The following SMAD2 variants were observed in gnomAD, a reference collection of about 807,000 sequenced individuals.
SMAD2 encodes MAD homolog 2.
In SMAD2, 8 loss-of-function variants were observed where a neutral mutation model predicts 64.4. That is an observed-to-expected ratio of 0.12 (90% CI 0.07 to 0.22). The LOEUF is 0.22. Among genes scored for constraint, SMAD2 ranks in the 10% least tolerant of loss-of-function variants. SMAD2 has a pLI of 1.00. For synonymous variants in SMAD2, 203 were observed against 195.8 expected, an observed-to-expected ratio of 1.04 and a Z score of -0.31; for missense variants, 289 against 561.2, an observed-to-expected ratio of 0.51 and a Z score of 4.90.
At chr18:47,904,369 G>C (rs1006433922) in intron 1 of SMAD2, among the ~76,000 whole-genome samples, 5 of 151,548 alleles carry the variant, frequency 3.3e-5, no homozygotes, top group African/African-American at 1.2e-4. Flanking sequence ...TGCTGAGTTG[G>C]GGGATTTGTG....
At chr18:47,903,791 T>A (rs1193972926) in intron 1 of SMAD2, among the ~76,000 whole-genome samples, 1 of 143,112 alleles carries the variant, frequency 7.0e-6, no homozygotes, top group African/African-American at 2.6e-5. Context: ...TACCATTAGA[T>A]GGGCTTAACA....
intron 2 of SMAD2, among the ~76,000 whole-genome samples, chr18:47,884,584 A>G (rs551638881): frequency 6.6e-6 from 1 of 152,374 alleles, no homozygotes; most frequent in East Asian, 1.9e-4. Context: ...TAAAAACTGA[A>G]GATTTCACTG....
intron 1 of SMAD2, among the ~76,000 whole-genome samples, chr18:47,903,096 T>C (rs1167211706): frequency 1.3e-5 from 2 of 151,634 alleles, no homozygotes; most frequent in Non-Finnish European, 2.9e-5. Flanking sequence ...AAATCTACCC[T>C]CATCAATGGG....
At chr18:47,900,962 G>GCC (rs2033659286) in intron 1 of SMAD2, among the ~76,000 whole-genome samples, 1 of 152,044 alleles carries the variant, frequency 6.6e-6, no homozygotes, top group Non-Finnish European at 1.5e-5. Flanking sequence ...ATTTGCTGAG[G>GCC]CTTTGTTCAT....
chr18:47,895,139 ATCCTG>A (rs2033380654), intron 2 of SMAD2: 1 of 152,238 alleles, frequency 6.6e-6, no homozygotes, highest in African/African-American at 2.4e-5. Flanking sequence ...ACTTACTTGC[ATCCTG>A]TTATATTCAG....
chr18:47,882,041 C>CTTTTTTTTTTTTTTTTTTTTTTTTTTT lies in SMAD2; in HGVS notation c.237-11478_237-11477insAAAAAAAAAAAAAAAAAAAAAAAAAAA, dbSNP rs71162900. On this transcript the variant is annotated intron_variant, in intron 2 of 10. Coordinates refer to ENST00000262160, the MANE Select transcript of SMAD2 (RefSeq NM_005901.6). The stretch of plus-strand genomic sequence containing the variant: ...CACAGGAATGTACTACCACGCTTGG[C>CTTTTTTTTTTTTTTTTTTTTTTTTTTT]TTTTTTTTTTTTTTTTTTTTTTTTT... 1.5e-3 allele frequency among the ~76,000 whole-genome samples: 60 copies of CTTTTTTTTTTTTTTTTTTTTTTTTTTT among 38,862 alleles called. 13 individuals carry two copies. The highest frequency in any genetic ancestry group is 2.6e-3 in the East Asian group (3 of 1,166). The allele number at this position is 38,862 out of a possible 152,430, so 25.5% of individuals were successfully genotyped here. A position where few individuals can be genotyped will look rare whatever the true frequency, so the allele number is the denominator to read the frequency against.
At position 47,889,758 on chromosome 18, in the gene SMAD2, G is replaced by A. The variant is rs570431240; in HGVS notation, c.236+6763C>T. 1.7e-3 allele frequency among the ~76,000 whole-genome samples: 256 copies of A among 148,372 alleles called. 1 individual carries two copies. The highest frequency in any genetic ancestry group is 6.0e-3 in the African/African-American group (242 of 40,036). On this transcript the variant is annotated intron_variant, in intron 2 of 10. Transcript: ENST00000262160. The stretch of plus-strand genomic sequence containing the variant: ...TGCACTCCAGCCTGGGTGACAGAGC[G>A]AGACTCCATCTCAAAAAAAAAAAAA...
Position 47,845,657 on chromosome 18 carries a change from C to A in SMAD2, c.1135+6G>T, listed in dbSNP as rs1408481555. The A allele has an allele frequency of 6.2e-7, 1 of 1,613,634 alleles. No homozygotes were observed. The highest frequency in any genetic ancestry group is 8.5e-7 in the Non-Finnish European group (1 of 1,179,740). On this transcript the variant is annotated splice_donor_region_variant and intron_variant, in intron 9 of 10. Coordinates refer to ENST00000262160, the MANE Select transcript of SMAD2 (RefSeq NM_005901.6). The stretch of plus-strand genomic sequence containing the variant: ...GATAGGTTTATGTACATTATTGAAT[C>A]CATACCTGGTGGAATTTTACACACT...
rs1598731044 is a variant in SMAD2 at position 47,834,604 on chromosome 18, T to C, written c.*7223A>G. 9.6e-6 allele frequency: 2 copies of C among 208,034 alleles called. No individual in the cohort carries two copies. Among genetic ancestry groups the C allele is most frequent in the East Asian group, 1.4e-4 (2 of 13,834 alleles). The allele number at this position is 208,034 out of a possible 1,614,324, so 12.9% of individuals were successfully genotyped here. ...TTTTACATCACTAGCTAATGGCTAG[T>C]TCCTCTAAGCTTGCTAAAAGGCTAG... On this transcript the variant is annotated 3_prime_UTR_variant, in exon 11 of 11. Transcript: ENST00000262160.
At chr18:47,881,830 T>C (rs1463507202) in intron 2 of SMAD2, among the ~76,000 whole-genome samples, 1 of 152,154 alleles carries the variant, frequency 6.6e-6, no homozygotes, top group Non-Finnish European at 1.5e-5. Context: ...TGAGGTGATC[T>C]TATAGTTTCC....
intron 7 of SMAD2, among the ~76,000 whole-genome samples, chr18:47,850,284 ATATT>A (rs1395967761): frequency 1.8e-5 from 1 of 56,834 alleles, no homozygotes; most frequent in Non-Finnish European, 2.9e-5. Context: ...TATATTATAT[ATATT>A]ATGTATAATA....
chr18:47,869,325 A>C lies in SMAD2; in HGVS notation c.438T>G (p.Ile146Met), dbSNP rs756633093. 2 of 1,613,752 alleles carry C rather than the reference A, an allele frequency of 1.2e-6. No individual in the cohort carries two copies. The highest frequency in any genetic ancestry group is 3.3e-5 in the Admixed American group (2 of 59,978). Residue 146 changes from isoleucine to methionine, a missense_variant, in exon 4 of 11, where the codon ATT (isoleucine) becomes ATG (methionine). Around this residue, in one of 6 missense-constraint regions of SMAD2, gnomAD observed 119 missense variants for 156.7 expected, o/e 0.76. Transcript: ENST00000262160. ...DLHSHHELKA[I>M]ENCEYAFNLK... is the part of the protein sequence containing the mutation. The stretch of plus-strand genomic sequence containing the variant: ...GATTAAAAGCATATTCGCAGTTTTC[A>C]ATTGCCTTGAGTTCATGATGACTGT...
chr18:47,913,126 G>A (rs2034206078), intron 1 of SMAD2, among the ~76,000 whole-genome samples: 1 of 152,080 alleles, frequency 6.6e-6, no homozygotes, highest in South Asian at 2.1e-4. Context: ...TCACCATATT[G>A]GCCAGGCTGG....
At position 47,818,673 on chromosome 18, in the gene SMAD2, C is replaced by A. The variant is rs982992234; in HGVS notation, c.*23154G>T. The A allele has an allele frequency of 6.6e-6, 1 of 152,180 alleles. No individual in the cohort carries two copies. Among genetic ancestry groups the A allele is most frequent in the Non-Finnish European group, 1.5e-5 (1 of 68,032 alleles). 9.4% of individuals were successfully genotyped at this position (152,180 alleles called of 1,614,324 possible). A position where few individuals can be genotyped will look rare whatever the true frequency, so the allele number is the denominator to read the frequency against. The stretch of plus-strand genomic sequence containing the variant: ...GATTGTTTTTTCTTATACAATTCAG[C>A]CAGTCCTAGCTAAAAATGTAAGCAT... On this transcript the variant is annotated 3_prime_UTR_variant, in exon 11 of 11. Transcript: ENST00000262160.
At chr18:47,852,508 T>C (rs925524192) in intron 6 of SMAD2, among the ~76,000 whole-genome samples, 5 of 152,176 alleles carry the variant, frequency 3.3e-5, no homozygotes, top group Non-Finnish European at 2.9e-5. Flanking sequence ...ATGAGTGCTA[T>C]GTTTGTAAGG....
At chr18:47,846,525 T>C (rs1453493532) in intron 8 of SMAD2, among the ~76,000 whole-genome samples, 2 of 152,168 alleles carry the variant, frequency 1.3e-5, no homozygotes, top group Non-Finnish European at 2.9e-5. Flanking sequence ...TCAGTTAACC[T>C]TAATCAGGCA....
At chr18:47,854,424 G>A (rs2030463936) in intron 6 of SMAD2, among the ~76,000 whole-genome samples, 1 of 152,166 alleles carries the variant, frequency 6.6e-6, no homozygotes, top group African/African-American at 2.4e-5. Flanking sequence ...GAATTTATAA[G>A]CTAGTGTTTC....
chr18:47,852,718 G>C (rs1440733444), intron 6 of SMAD2, among the ~76,000 whole-genome samples: 1 of 152,030 alleles, frequency 6.6e-6, no homozygotes, highest in African/African-American at 2.4e-5. Context: ...GTCAGTTCTG[G>C]TAAATTACAC....
chr18:47,855,407 AAT>A (rs1359326990), intron 6 of SMAD2, among the ~76,000 whole-genome samples: 1 of 151,906 alleles, frequency 6.6e-6, no homozygotes, highest in Non-Finnish European at 1.5e-5. Flanking sequence ...ATATGGTAAG[AAT>A]ATAGTTAGTT....
Sources: gnomAD v4.1 joint callset for allele counts (sites outside exome capture counted in the v4.1 genomes callset) on GRCh38, gnomAD v4.1.1 for gene constraint, gnomAD v4.1.1 regional missense constraint, MANE v1.5 for transcripts, NCBI Gene and HGNC (gene_info 2026-07-23, HGNC 2026-07-21) for gene names.